The following TIMM44 variants were observed in gnomAD, a reference collection of about 807,000 sequenced individuals.
The protein encoded by TIMM44 is mitochondrial import inner membrane translocase subunit TIM44.
In TIMM44, 37 loss-of-function variants were observed where a neutral mutation model predicts 63.8. The ratio of observed to expected loss-of-function variants is 0.58; its 90% CI spans 0.45 to 0.76. The LOEUF is 0.76. TIMM44 is among the 30% of genes least tolerant of loss of function. The probability of loss-of-function intolerance (pLI) is 0.00; values close to 1 mark genes in which losing one functional copy is unlikely to be tolerated. For missense variants in TIMM44, 573 were observed against 603.8 expected, an observed-to-expected ratio of 0.95 and a Z score of 0.54; for synonymous variants, 239 against 245.1, an observed-to-expected ratio of 0.98 and a Z score of 0.23.
At chr19:7,942,628 G>GTAAGTT (rs1163258633) in intron 1 of TIMM44, among the ~76,000 whole-genome samples, 12 of 151,208 alleles carry the variant, frequency 7.9e-5, no homozygotes, top group African/African-American at 2.7e-4. Flanking sequence ...ACTTACACAG[G>GTAAGTT]TGCCTACTAT....
chr19:7,941,456 AT>A (rs988651124), intron 1 of TIMM44, among the ~76,000 whole-genome samples: 6 of 151,790 alleles, frequency 4.0e-5, no homozygotes, highest in African/African-American at 1.5e-4. Context: ...TCCGGCTAAT[AT>A]TTGTATTTTT....
Position 7,927,764 on chromosome 19 carries a change from C to T in TIMM44, c.1132G>A (p.Ala378Thr), listed in dbSNP as rs748624170. 6.2e-7 allele frequency: 1 copy of T among 1,611,016 alleles called. No homozygotes were observed. The highest frequency in any genetic ancestry group is 8.5e-7 in the Non-Finnish European group (1 of 1,179,952). Reference protein sequence around the residue: ...RILDIDNVDLAMGKMMEQGPV... With the variant: ...RILDIDNVDLTMGKMMEQGPV... ...CCCTGCTCCATCATCTTGCCCATGGCCAGCTGCAGAGGGGCCGAGAGGGGG... is the reference window on the plus strand; with the variant it reads ...CCCTGCTCCATCATCTTGCCCATGGTCAGCTGCAGAGGGGCCGAGAGGGGG... The change falls in exon 12 of 13, where the codon GCC becomes ACC. Residue 378 changes from alanine (A) to threonine (T), a missense_variant. Coordinates refer to ENST00000270538, the MANE Select transcript of TIMM44 (RefSeq NM_006351.4).
At chr19:7,940,483 C>T (rs1416945083) in intron 2 of TIMM44, among the ~76,000 whole-genome samples, 1 of 152,052 alleles carries the variant, frequency 6.6e-6, no homozygotes, top group Non-Finnish European at 1.5e-5. Context: ...TCCTGTCCCA[C>T]ACCCACGATG....
Position 7,934,038 on chromosome 19 carries a change from T to C in TIMM44, c.544-35A>G. On this transcript the variant is annotated intron_variant, in intron 5 of 12. Coordinates refer to ENST00000270538, the MANE Select transcript of TIMM44 (RefSeq NM_006351.4). The surrounding 1 kb of genome is among the most constrained non-coding windows in gnomAD (Gnocchi z 5.3). ...AGGCACAGCGGGGCTGGGGTGGGTG[T>C]CTGGGTTCGGCCGCCCCAGGCTGCA... The C allele has an allele frequency of 6.2e-7, 1 of 1,613,408 alleles. No homozygotes were observed. Among genetic ancestry groups the C allele is most frequent in the Non-Finnish European group, 8.5e-7 (1 of 1,179,936 alleles).
intron 10 of TIMM44, among the ~76,000 whole-genome samples, chr19:7,930,164 A>G (rs1156857223): frequency 1.3e-5 from 2 of 151,486 alleles, no homozygotes; most frequent in Non-Finnish European, 2.9e-5. Flanking sequence ...CCTTAGTGAC[A>G]GTGTCTTGAT....
At chr19:7,927,467 TG>T in intron 12 of TIMM44, 161 bp from the exon 13 acceptor site, 1 of 1,068,428 alleles carries the variant, frequency 9.4e-7, no homozygotes, top group Admixed American at 1.8e-5. Context: ...CACTCAGCCT[TG>T]GTAAAAACAG....
chr19:7,942,471 A>G (rs1411055649), intron 1 of TIMM44, among the ~76,000 whole-genome samples: 7 of 151,518 alleles, frequency 4.6e-5, no homozygotes, highest in Admixed American at 3.3e-4. Context: ...GGTCCTGTTC[A>G]GCTCGGCACC....
At position 7,928,170 on chromosome 19, in the gene TIMM44, C is replaced by T. The variant is rs748139110; in HGVS notation, c.1039-4G>A. On this transcript the variant is annotated splice_region_variant and splice_polypyrimidine_tract_variant and intron_variant, in intron 10 of 12. Coordinates refer to ENST00000270538, the MANE Select transcript of TIMM44 (RefSeq NM_006351.4). ...GGTGGGCCAGCTGGCTGTAAGTCTG[C>T]AATGAGAGGCCGACACGCCTGCGTG... 17 of 1,612,746 alleles carry T rather than the reference C, an allele frequency of 1.1e-5. No homozygotes were observed. In the South Asian group the frequency reaches 1.8e-4, roughly 17 times the overall value.
At chr19:7,928,042 G>T in intron 11 of TIMM44, 35 bp downstream of exon 11, 1 of 1,586,798 alleles carries the variant, frequency 6.3e-7, no homozygotes, top group Non-Finnish European at 8.6e-7. Flanking sequence ...TCCCACCCCC[G>T]ATGGTGGCCC....
At chr19:7,927,975 G>T in intron 11 of TIMM44, 102 bp downstream of exon 11, 1 of 1,249,538 alleles carries the variant, frequency 8.0e-7, no homozygotes, top group Non-Finnish European at 1.1e-6. Flanking sequence ...TCTTGGATCA[G>T]CCCATGGCCC....
In TIMM44 at chr19:7,933,603, C is replaced by T. The variant is rs751768468; in HGVS notation, c.684-33G>A. The T allele has an allele frequency of 6.3e-6, 10 of 1,589,580 alleles. No individual in the cohort carries two copies. Among genetic ancestry groups the T allele is most frequent in the African/African-American group, 2.7e-5 (2 of 74,510 alleles). On this transcript the variant is annotated intron_variant, in intron 6 of 12. Coordinates refer to ENST00000270538, the MANE Select transcript of TIMM44 (RefSeq NM_006351.4). The surrounding 1 kb of genome is among the most constrained non-coding windows in gnomAD (Gnocchi z 4.3). Reference sequence around the variant, plus strand: ...AGAGGGTGGGCCCTGGGGTGAGCGGCGGCGCCAGGGCCACCCTGTGCCCTC... The same window carrying T: ...AGAGGGTGGGCCCTGGGGTGAGCGGTGGCGCCAGGGCCACCCTGTGCCCTC...
intron 2 of TIMM44, 78 bp from the exon 3 acceptor site, chr19:7,938,275 G>T (rs1178566842): frequency 2.6e-6 from 3 of 1,164,268 alleles, no homozygotes; most frequent in East Asian, 2.5e-5. Flanking sequence ...AGGGACTCAG[G>T]GATTTTTTTA....
Position 7,943,617 on chromosome 19 carries a change from C to T in TIMM44, c.35G>A (p.Arg12His), listed in dbSNP as rs765327455. The change falls in exon 1 of 13, where the codon CGC becomes CAC. Residue 12 changes from arginine to histidine, a missense_variant. Arg to His is a conservative substitution (Grantham distance 29). Coordinates refer to ENST00000270538, the MANE Select transcript of TIMM44 (RefSeq NM_006351.4). This position sits in a 1 kb window ranked among gnomAD's most constrained non-coding sequence, Gnocchi z 4.3. ...AAAALRSGWCRCPRRCLGSGI... is the reference protein window; with the variant it reads ...AAAALRSGWCHCPRRCLGSGI... ...CGCACCGCCGCTCACCCGTGGACAG[C>T]GGCACCAGCCACTCCGCAGGGCCGC... is the stretch of plus-strand genomic sequence containing the variant. The T allele has an allele frequency of 1.9e-6, 3 of 1,558,734 alleles. No individual in the cohort carries two copies. The highest frequency in any genetic ancestry group is 2.4e-5 in the East Asian group (1 of 41,646).
At position 7,932,863 on chromosome 19, in the gene TIMM44, G is replaced by A. The variant is rs1307762120; in HGVS notation, c.839C>T (p.Thr280Met). The A allele has an allele frequency of 1.7e-5, 28 of 1,614,110 alleles. No individual in the cohort carries two copies. The highest frequency in any genetic ancestry group is 2.7e-5 in the African/African-American group (2 of 74,948). The change falls in exon 8 of 13, where the codon ACG becomes ATG. Residue 280 changes from threonine (T) to methionine (M), a missense_variant. Transcript: ENST00000270538. ...NAFIRASRAL[T>M]DKVTDLLGGL... ...ACCCAGCAAGTCGGTGACCTTGTCC[G>A]TAAGGGCCCGGGATGCCCGGATGAA... is the stretch of plus-strand genomic sequence containing the variant.
rs1984094907 is a variant in TIMM44 at position 7,934,756 on chromosome 19, G to A, written c.393+309C>T. 2.0e-5 allele frequency among the ~76,000 whole-genome samples: 3 copies of A among 152,172 alleles called. No homozygotes were observed. Among genetic ancestry groups the A allele is most frequent in the Admixed American group, 6.5e-5 (1 of 15,280 alleles). On this transcript the variant is annotated intron_variant, in intron 4 of 12. Transcript: ENST00000270538. The surrounding 1 kb of genome is among the most constrained non-coding windows in gnomAD (Gnocchi z 5.3). The stretch of plus-strand genomic sequence containing the variant: ...ATCCTGCCTCCCGCCTCTACCCTCG[G>A]GAGGGGGTGGAAGCGGCCCCTCTCC...
intron 1 of TIMM44, among the ~76,000 whole-genome samples, chr19:7,942,087 G>A (rs778917594): frequency 6.6e-6 from 1 of 152,136 alleles, no homozygotes; most frequent in Admixed American, 6.6e-5. Context: ...GGTGGCTCAC[G>A]CCAGTAATCC....
At position 7,932,924 on chromosome 19, in the gene TIMM44, C is replaced by A; in HGVS notation, c.778G>T (p.Glu260Ter). 2 of 1,614,044 alleles carry A rather than the reference C, an allele frequency of 1.2e-6. No individual in the cohort carries two copies. Among genetic ancestry groups the A allele is most frequent in the Non-Finnish European group, 1.7e-6 (2 of 1,179,930 alleles). Residue 260 changes from glutamate (E) to a stop codon, truncating the protein, a stop_gained, in exon 8 of 13, where the codon GAG becomes TAG. Coordinates refer to ENST00000270538, the MANE Select transcript of TIMM44 (RefSeq NM_006351.4). LOFTEE classifies it high-confidence loss of function. ...ENNVVFNRFF[E>*]MKMKYDESDN... Reference sequence around the variant, plus strand: ...CTTTCGTCATACTTCATCTTCATCTCGAAGAACCCTGTGGAAGATGGGGTA... The same window carrying A: ...CTTTCGTCATACTTCATCTTCATCTAGAAGAACCCTGTGGAAGATGGGGTA...
At chr19:7,941,928 C>T (rs1984323202) in intron 1 of TIMM44, among the ~76,000 whole-genome samples, 1 of 152,200 alleles carries the variant, frequency 6.6e-6, no homozygotes, top group South Asian at 2.1e-4. Context: ...CAGACACAAA[C>T]ATCGATAATG....
At position 7,934,328 on chromosome 19, in the gene TIMM44, G is replaced by A. The variant is rs1984078983; in HGVS notation, c.394-90C>T. ...AGGAATGAATTCCTGCCGGAGAGAA[G>A]GGCGGATCTGGTTCCCCGAGGCCGG... On this transcript the variant is annotated intron_variant, in intron 4 of 12. Coordinates refer to ENST00000270538, the MANE Select transcript of TIMM44 (RefSeq NM_006351.4). The surrounding 1 kb of genome is among the most constrained non-coding windows in gnomAD (Gnocchi z 5.3). 1.3e-6 allele frequency: 2 copies of A among 1,548,236 alleles called. No individual in the cohort carries two copies. Among genetic ancestry groups the A allele is most frequent in the Admixed American group, 1.7e-5 (1 of 59,688 alleles).
Sources: gnomAD v4.1 joint callset for allele counts (sites outside exome capture counted in the v4.1 genomes callset) on GRCh38, gnomAD v4.1.1 for gene constraint, Gnocchi (gnomAD v3.1) non-coding constraint, MANE v1.5 for transcripts, NCBI Gene and HGNC (gene_info 2026-07-23, HGNC 2026-07-21) for gene names.